Variants in CDH13 observed in about 807,000 individuals in gnomAD.
The protein encoded by CDH13 is cadherin-13.
CDH13 carries 24 observed loss-of-function variants against 63.8 expected under a neutral mutation model. The ratio of observed to expected loss-of-function variants is 0.38; its 90% CI spans 0.27 to 0.53. The LOEUF is 0.53. CDH13 is among the 20% of genes least tolerant of loss of function. The pLI is 0.85. For missense variants in CDH13, 1,049 were observed against 903.1 expected, an observed-to-expected ratio of 1.16 and a Z score of -2.07; for synonymous variants, 503 against 355.3, an observed-to-expected ratio of 1.42 and a Z score of -4.67.
At chr16:83,360,028 A>G (rs966801873) in intron 6 of CDH13, among the ~76,000 whole-genome samples, 3 of 152,242 alleles carry the variant, frequency 2.0e-5, no homozygotes, top group Non-Finnish European at 4.4e-5. Flanking sequence ...GAGAGTACAT[A>G]GTACGTGATC....
At chr16:82,699,597 A>AGAATGT (rs2030740125) in intron 1 of CDH13, among the ~76,000 whole-genome samples, 1 of 152,242 alleles carries the variant, frequency 6.6e-6, no homozygotes, top group Admixed American at 6.5e-5. Flanking sequence ...GGTATTTAAG[A>AGAATGT]GAATGTGCAT....
chr16:83,269,780 A>G (rs1218035877), intron 5 of CDH13, among the ~76,000 whole-genome samples: 1 of 152,168 alleles, frequency 6.6e-6, no homozygotes, highest in Non-Finnish European at 1.5e-5. Context: ...AATCCTAGAC[A>G]TATGGACAGC....
chr16:83,258,084 G>C (rs1294769635), intron 5 of CDH13, among the ~76,000 whole-genome samples: 1 of 152,142 alleles, frequency 6.6e-6, no homozygotes, highest in African/African-American at 2.4e-5. Context: ...AAATTAAACT[G>C]AGTCTTTATA....
chr16:83,569,308 T>C (rs532678274), intron 7 of CDH13, among the ~76,000 whole-genome samples: 1 of 152,088 alleles, frequency 6.6e-6, no homozygotes, highest in Non-Finnish European at 1.5e-5. Flanking sequence ...CTCCACCATG[T>C]TGGCATGTAC....
At chr16:82,987,177 T>G (rs761795583) in intron 2 of CDH13, among the ~76,000 whole-genome samples, 1 of 152,146 alleles carries the variant, frequency 6.6e-6, no homozygotes, top group South Asian at 2.1e-4. Context: ...CTCTGTGGTC[T>G]TCAATATTCT....
chr16:83,417,716 G>A (rs1373054267), intron 6 of CDH13, among the ~76,000 whole-genome samples: 1 of 152,164 alleles, frequency 6.6e-6, no homozygotes, highest in Non-Finnish European at 1.5e-5. Flanking sequence ...GAAGCAGACA[G>A]GCTGTAGAGA....
intron 4 of CDH13, among the ~76,000 whole-genome samples, chr16:83,205,461 GTTCATAGAGT>G (rs1357806440): frequency 6.6e-6 from 1 of 152,102 alleles, no homozygotes; most frequent in African/African-American, 2.4e-5. Context: ...GTAAAATGAG[GTTCATAGAGT>G]TTATTGAGCA....
At chr16:82,926,628 T>C (rs2042311141) in intron 2 of CDH13, among the ~76,000 whole-genome samples, 1 of 152,174 alleles carries the variant, frequency 6.6e-6, no homozygotes, top group Non-Finnish European at 1.5e-5. Flanking sequence ...GCTCACAAGC[T>C]CTAGGTACAA....
At chr16:82,912,042 A>C (rs1441850623) in intron 2 of CDH13, among the ~76,000 whole-genome samples, 2 of 151,904 alleles carry the variant, frequency 1.3e-5, no homozygotes, top group African/African-American at 4.8e-5. Context: ...CCCAGCTCCC[A>C]CGGCTCTAAT....
intron 3 of CDH13, among the ~76,000 whole-genome samples, chr16:83,108,074 G>A (rs1028014079): frequency 3.9e-5 from 6 of 152,094 alleles, no homozygotes; most frequent in African/African-American, 1.4e-4. Context: ...ACCCACCTTG[G>A]CCTCCCAAAG....
chr16:83,337,149 G>T (rs2090616253), intron 5 of CDH13, among the ~76,000 whole-genome samples: 1 of 152,178 alleles, frequency 6.6e-6, no homozygotes, highest in Non-Finnish European at 1.5e-5. Flanking sequence ...TCCTATTAGT[G>T]TGGTGAATTA....
chr16:83,796,306 C>G lies in CDH13; in HGVS notation c.*1276C>G, dbSNP rs1014362659. 2.0e-5 allele frequency: 3 copies of G among 152,136 alleles called. No homozygotes were observed. The highest frequency in any genetic ancestry group is 4.4e-5 in the Non-Finnish European group (3 of 68,030). 9.4% of individuals were successfully genotyped at this position (152,136 alleles called of 1,614,324 possible). The stretch of plus-strand genomic sequence containing the variant: ...CAGCTTGTGGCTTTTTATTAGAGCT[C>G]GCCACGAACTAGGGTAAGGTGAGTG... On this transcript the variant is annotated 3_prime_UTR_variant, in exon 14 of 14. Coordinates refer to ENST00000567109, the MANE Select transcript of CDH13 (RefSeq NM_001257.5).
At chr16:83,490,939 C>G (rs532403292) in intron 7 of CDH13, among the ~76,000 whole-genome samples, 16 of 152,306 alleles carry the variant, frequency 1.1e-4, no homozygotes, top group African/African-American at 3.1e-4. Context: ...TCTCTATTCC[C>G]ATTGCCAAAT....
chr16:83,030,024 T>C (rs1482164304), intron 2 of CDH13, among the ~76,000 whole-genome samples: 1 of 152,152 alleles, frequency 6.6e-6, no homozygotes, highest in African/African-American at 2.4e-5. Flanking sequence ...AATAATAGAA[T>C]TGTGTACCAC....
intron 1 of CDH13, among the ~76,000 whole-genome samples, chr16:82,848,464 C>T (rs1357195415): frequency 2.6e-5 from 4 of 151,986 alleles, no homozygotes; most frequent in Non-Finnish European, 4.4e-5. Flanking sequence ...CTTTGTGTCT[C>T]TGTCTCATGT....
At chr16:82,790,839 G>A (rs1385803206) in intron 1 of CDH13, among the ~76,000 whole-genome samples, 3 of 152,120 alleles carry the variant, frequency 2.0e-5, no homozygotes, top group Admixed American at 2.0e-4. Flanking sequence ...AACAGCATGG[G>A]GAAAACTGCC....
intron 6 of CDH13, among the ~76,000 whole-genome samples, chr16:83,417,862 C>G (rs1002792157): frequency 6.6e-6 from 1 of 152,132 alleles, no homozygotes; most frequent in Non-Finnish European, 1.5e-5. Context: ...AATTCTATTT[C>G]ACAGCAAAAT....
chr16:82,681,801 T>G (rs1914578952), intron 1 of CDH13, among the ~76,000 whole-genome samples: 1 of 152,210 alleles, frequency 6.6e-6, no homozygotes, highest in Non-Finnish European at 1.5e-5. Context: ...AGCACTCGGG[T>G]GAGGACTGAC....
At chr16:83,529,046 A>T (rs1339231028) in intron 7 of CDH13, among the ~76,000 whole-genome samples, 1 of 151,740 alleles carries the variant, frequency 6.6e-6, no homozygotes, top group Admixed American at 6.6e-5. Flanking sequence ...AGAAGAGAAG[A>T]TGGAGGTCAT....
Sources: allele counts gnomAD v4.1 joint callset (sites outside exome capture counted in the v4.1 genomes callset), GRCh38; gene constraint gnomAD v4.1.1; transcripts MANE v1.5; gene names NCBI Gene and HGNC (gene_info 2026-07-23, HGNC 2026-07-21).